Variants in PIWIL4 observed in about 807,000 individuals in gnomAD.
PIWIL4 encodes piwi like RNA-mediated gene silencing 4.
PIWIL4 carries 50 observed loss-of-function variants against 100.9 expected under a neutral mutation model. The ratio of observed to expected loss-of-function variants is 0.50; its 90% CI spans 0.39 to 0.63. The LOEUF is 0.63. Among genes scored for constraint, PIWIL4 ranks in the 20% least tolerant of loss-of-function variants. The pLI is 0.00. For synonymous variants in PIWIL4, 342 were observed against 367.5 expected (o/e 0.93, Z 0.79); for missense variants, 887 against 1,043.3 (o/e 0.85, Z 2.06).
At chr11:94,579,861 G>C (rs1213052849) in intron 4 of PIWIL4, among the ~76,000 whole-genome samples, 4 of 152,158 alleles carry the variant, frequency 2.6e-5, no homozygotes, top group African/African-American at 9.7e-5. Context: ...TATATTTCAA[G>C]TCTGTTGTTA....
At chr11:94,568,908 C>A in intron 2 of PIWIL4, 100 bp downstream of exon 2, 1 of 1,002,592 alleles carries the variant, frequency 1.0e-6, no homozygotes, top group South Asian at 1.4e-5. Context: ...TCTTGCACAT[C>A]CTGATTTCCT....
chr11:94,577,592 G>T, intron 4 of PIWIL4, 100 bp downstream of exon 4: 4 of 941,518 alleles, frequency 4.2e-6, no homozygotes, highest in Admixed American at 3.1e-5. Context: ...GATTCCAAAA[G>T]GTTTGTGGAA....
chr11:94,589,473 C>G (rs1017491085), intron 8 of PIWIL4, among the ~76,000 whole-genome samples: 4 of 152,134 alleles, frequency 2.6e-5, no homozygotes, highest in African/African-American at 7.2e-5. Context: ...TCACACTGCT[C>G]GCAACGCTAA....
intron 3 of PIWIL4, among the ~76,000 whole-genome samples, chr11:94,575,835 A>G (rs905358021): frequency 1.3e-5 from 2 of 152,196 alleles, no homozygotes; most frequent in Non-Finnish European, 2.9e-5. Context: ...GAAAACTATC[A>G]TATGTAGACG....
chr11:94,597,981 G>A, intron 11 of PIWIL4, 66 bp downstream of exon 11: 2 of 1,221,044 alleles, frequency 1.6e-6, no homozygotes, highest in Non-Finnish European at 2.4e-6. Flanking sequence ...TTTGTGCATT[G>A]GCCAGAGTGG....
intron 6 of PIWIL4, 139 bp downstream of exon 6, chr11:94,585,664 G>T: frequency 1.7e-6 from 1 of 596,166 alleles, no homozygotes. Flanking sequence ...TAATTTTCAA[G>T]TTTTTTTAAT....
At chr11:94,611,733 T>G (rs1948789298) in intron 15 of PIWIL4, among the ~76,000 whole-genome samples, 1 of 152,084 alleles carries the variant, frequency 6.6e-6, no homozygotes, top group Admixed American at 6.6e-5. Flanking sequence ...GATCTCTCTC[T>G]TTTGCTCCCT....
At chr11:94,577,196 A>G in intron 3 of PIWIL4, 82 bp from the exon 4 acceptor site, 8 of 1,167,762 alleles carry the variant, frequency 6.9e-6, no homozygotes, top group Non-Finnish European at 9.9e-6. Flanking sequence ...TGCATAGGCA[A>G]ATACATTTTT....
intron 8 of PIWIL4, among the ~76,000 whole-genome samples, chr11:94,590,490 G>GA (rs1400921424): frequency 6.6e-6 from 1 of 152,158 alleles, no homozygotes; most frequent in Non-Finnish European, 1.5e-5. Context: ...TGTATTTTGA[G>GA]ATGGCTCAAA....
At chr11:94,588,452 T>C (rs1161079397) in intron 7 of PIWIL4, among the ~76,000 whole-genome samples, 1 of 152,212 alleles carries the variant, frequency 6.6e-6, no homozygotes, top group Non-Finnish European at 1.5e-5. Flanking sequence ...TACCCTCTTA[T>C]CCTCCTGTCA....
intron 4 of PIWIL4, among the ~76,000 whole-genome samples, chr11:94,580,756 T>G (rs1436533697): frequency 6.6e-6 from 1 of 152,202 alleles, no homozygotes. Flanking sequence ...TGTCCTTCTT[T>G]GTTCTCCAGG....
chr11:94,577,255 T>G (rs538558027), intron 3 of PIWIL4, 23 bp from the exon 4 acceptor site: 2 of 1,542,630 alleles, frequency 1.3e-6, no homozygotes, highest in African/African-American at 2.7e-5. Context: ...ATTAAAAAAT[T>G]GTTTTTTGTT....
intron 10 of PIWIL4, among the ~76,000 whole-genome samples, chr11:94,596,730 T>G (rs1161351846): frequency 6.6e-6 from 1 of 152,214 alleles, no homozygotes; most frequent in Admixed American, 6.5e-5. Flanking sequence ...ATCTGCCACC[T>G]TTCAGTAGTA....
chr11:94,572,122 T>TTTTG (rs1274310151), intron 2 of PIWIL4, among the ~76,000 whole-genome samples: 1 of 152,246 alleles, frequency 6.6e-6, no homozygotes, highest in Non-Finnish European at 1.5e-5. Context: ...TTGGCCCACT[T>TTTTG]TTTGATGGGG....
Position 94,601,904 on chromosome 11 carries a change from A to G in PIWIL4, c.1490A>G (p.Tyr497Cys), listed in dbSNP as rs1417179750. Residue 497 changes from tyrosine to cysteine, a missense_variant, in exon 12 of 20, where the codon TAT (tyrosine) becomes TGT (cysteine). By Grantham distance (194) the Tyr-to-Cys change is radical. Coordinates refer to ENST00000299001, the MANE Select transcript of PIWIL4 (RefSeq NM_152431.3). ...WLILCSDRTE[Y>C]VAESFLNCLR... Reference sequence around the variant, plus strand: ...ATTTTATGTAGCGACAGAACTGAATATGTTGCCGAGAGCTTTCTGAACTGC... The same window carrying G: ...ATTTTATGTAGCGACAGAACTGAATGTGTTGCCGAGAGCTTTCTGAACTGC... 2 of 1,614,124 alleles carry G rather than the reference A, an allele frequency of 1.2e-6. No homozygotes were observed. Among genetic ancestry groups the G allele is most frequent in the Middle Eastern group, 1.7e-4 (1 of 6,058 alleles).
chr11:94,615,868 A>G (rs1948840810), intron 15 of PIWIL4, among the ~76,000 whole-genome samples: 1 of 152,224 alleles, frequency 6.6e-6, no homozygotes, highest in Non-Finnish European at 1.5e-5. Context: ...ACACAAAGTC[A>G]TGATCTTCAT....
chr11:94,619,675 TATTTC>T, intron 17 of PIWIL4, 80 bp from the exon 18 acceptor site: 3 of 1,380,634 alleles, frequency 2.2e-6, no homozygotes. Flanking sequence ...AATTTTTATT[TATTTC>T]ATTTTTTAAA....
intron 2 of PIWIL4, 114 bp from the exon 3 acceptor site, chr11:94,574,885 C>A: frequency 1.8e-6 from 2 of 1,096,448 alleles, no homozygotes; most frequent in Non-Finnish European, 2.7e-6. Context: ...GCAATATGGG[C>A]AAACTGTATT....
At chr11:94,572,916 C>G (rs1171276117) in intron 2 of PIWIL4, among the ~76,000 whole-genome samples, 1 of 152,192 alleles carries the variant, frequency 6.6e-6, no homozygotes, top group Non-Finnish European at 1.5e-5. Context: ...TCTTCCTATC[C>G]ATGAGCGTGG....
Sources: allele counts gnomAD v4.1 joint callset (sites outside exome capture counted in the v4.1 genomes callset), GRCh38; gene constraint gnomAD v4.1.1; transcripts MANE v1.5; gene names NCBI Gene and HGNC (gene_info 2026-07-23, HGNC 2026-07-21).